SYT1: variants seen among roughly 807,000 people sequenced by gnomAD.
The protein encoded by SYT1 is synaptotagmin 1.
A neutral mutation model predicts 44.8 loss-of-function variants in SYT1; 8 were observed. The observed-to-expected ratio is 0.18, with a 90% confidence interval of 0.10 to 0.32. The LOEUF (loss-of-function observed/expected upper bound fraction) is 0.32, where lower values mean the gene tolerates loss of function less well. Among genes scored for constraint, SYT1 ranks in the 10% least tolerant of loss-of-function variants. The pLI, the probability that SYT1 is intolerant of heterozygous loss-of-function variation, is 1.00. For missense variants in SYT1, 286 were observed against 509.3 expected (o/e 0.56, Z 4.22); for synonymous variants, 154 against 188.8 (o/e 0.82, Z 1.51).
chr12:79,082,951 A>T (rs1877135225), intron 3 of SYT1, among the ~76,000 whole-genome samples: 1 of 152,142 alleles, frequency 6.6e-6, no homozygotes, highest in Non-Finnish European at 1.5e-5. Context: ...AAAAAACAAA[A>T]ATAAAATAAG....
chr12:78,866,628 G>C (rs1333480368), intron 1 of SYT1, among the ~76,000 whole-genome samples: 3 of 152,094 alleles, frequency 2.0e-5, no homozygotes, highest in African/African-American at 7.2e-5. Flanking sequence ...CGATAGTACT[G>C]TCAGATGGAA....
chr12:79,402,057 A>T (rs1362921368), intron 9 of SYT1, among the ~76,000 whole-genome samples: 3 of 152,158 alleles, frequency 2.0e-5, no homozygotes, highest in African/African-American at 7.2e-5. Flanking sequence ...GTAAGCCAGC[A>T]TTGTTGGCCT....
intron 2 of SYT1, among the ~76,000 whole-genome samples, chr12:79,030,977 C>G (rs867019676): frequency 6.6e-6 from 1 of 151,004 alleles, no homozygotes; most frequent in South Asian, 2.1e-4. Flanking sequence ...CCAATGCGTA[C>G]TCACTCCCAA....
At chr12:79,427,848 C>A (rs758883527) in intron 9 of SYT1, among the ~76,000 whole-genome samples, 12 of 152,190 alleles carry the variant, frequency 7.9e-5, no homozygotes, top group African/African-American at 2.4e-5. Context: ...GGAGCCAGAT[C>A]ATTCAGGCTC....
intron 3 of SYT1, among the ~76,000 whole-genome samples, chr12:79,132,310 A>G (rs1018079075): frequency 5.3e-5 from 8 of 151,942 alleles, no homozygotes; most frequent in Non-Finnish European, 2.9e-5. Flanking sequence ...TTAGCCTGGT[A>G]TGGTGGCACG....
At chr12:79,331,810 A>G (rs572223436) in intron 8 of SYT1, among the ~76,000 whole-genome samples, 3 of 151,048 alleles carry the variant, frequency 2.0e-5, no homozygotes, top group African/African-American at 7.4e-5. Context: ...ATATAATAAA[A>G]TTATAGGTAA....
intron 3 of SYT1, among the ~76,000 whole-genome samples, chr12:79,143,390 C>T (rs1358004409): frequency 1.3e-5 from 2 of 152,138 alleles, no homozygotes; most frequent in Non-Finnish European, 2.9e-5. Flanking sequence ...TGGTTTATAT[C>T]CTCAACCATT....
chr12:78,990,494 A>G (rs1466536215), intron 2 of SYT1, among the ~76,000 whole-genome samples: 2 of 152,138 alleles, frequency 1.3e-5, no homozygotes, highest in African/African-American at 4.8e-5. Context: ...TTGTTCTATT[A>G]TAGAAAAGAC....
At chr12:79,385,898 G>C (rs1884416876) in intron 9 of SYT1, among the ~76,000 whole-genome samples, 1 of 152,206 alleles carries the variant, frequency 6.6e-6, no homozygotes, top group South Asian at 2.1e-4. Context: ...GCTGGATAAA[G>C]TGGTCTATGA....
intron 2 of SYT1, among the ~76,000 whole-genome samples, chr12:79,036,965 G>T (rs1021397027): frequency 9.2e-5 from 14 of 151,748 alleles, no homozygotes; most frequent in African/African-American, 2.9e-4. Flanking sequence ...TTTGCCTAAG[G>T]TTATGGACTA....
In SYT1 at chr12:79,450,820, C is replaced by T. The variant is rs1166299787; in HGVS notation, c.*1696C>T. On this transcript the variant is annotated 3_prime_UTR_variant, in exon 11 of 11. Coordinates refer to ENST00000261205, the MANE Select transcript of SYT1 (RefSeq NM_005639.3). Reference sequence around the variant, plus strand: ...TTTTGTCAAGCACTGTGCAATATTCCATATTTTTCCCCACTATGGTAGACA... The same window carrying T: ...TTTTGTCAAGCACTGTGCAATATTCTATATTTTTCCCCACTATGGTAGACA... The T allele has an allele frequency of 6.6e-6, 1 of 152,626 alleles. No homozygotes were observed. The highest frequency in any genetic ancestry group is 1.5e-5 in the Non-Finnish European group (1 of 68,038). The allele number at this position is 152,626 out of a possible 1,614,324, so 9.5% of individuals were successfully genotyped here. A position where few individuals can be genotyped will look rare whatever the true frequency, so the allele number is the denominator to read the frequency against.
intron 8 of SYT1, among the ~76,000 whole-genome samples, chr12:79,348,599 T>C (rs1356634367): frequency 6.6e-6 from 1 of 152,224 alleles, no homozygotes; most frequent in Non-Finnish European, 1.5e-5. Flanking sequence ...TTTCAAACAT[T>C]CACTTGGCAT....
chr12:79,102,497 C>T (rs1003028061), intron 3 of SYT1, among the ~76,000 whole-genome samples: 19 of 152,202 alleles, frequency 1.2e-4, no homozygotes, highest in Admixed American at 1.1e-3. Flanking sequence ...AGCCTTCTCT[C>T]TGTGTTTCCT....
At chr12:78,976,193 G>A (rs1025702366) in intron 1 of SYT1, among the ~76,000 whole-genome samples, 12 of 152,022 alleles carry the variant, frequency 7.9e-5, no homozygotes, top group Non-Finnish European at 1.6e-4. Context: ...TTAGAGGCAT[G>A]AACCTATCTT....
chr12:79,107,443 C>T (rs1246515888), intron 3 of SYT1, among the ~76,000 whole-genome samples: 1 of 151,618 alleles, frequency 6.6e-6, no homozygotes, highest in Non-Finnish European at 1.5e-5. Context: ...AAAATATATA[C>T]CAACAAGGTA....
chr12:79,029,927 T>C (rs1872737285), intron 2 of SYT1, among the ~76,000 whole-genome samples: 1 of 151,092 alleles, frequency 6.6e-6, no homozygotes, highest in African/African-American at 2.4e-5. Context: ...TGCTTCACCA[T>C]TCACAGTTTT....
intron 1 of SYT1, among the ~76,000 whole-genome samples, chr12:78,908,965 A>G (rs764266733): frequency 2.0e-5 from 3 of 151,994 alleles, no homozygotes; most frequent in African/African-American, 7.2e-5. Flanking sequence ...AGGCATTTCA[A>G]TCAACCAAAA....
At chr12:78,934,376 A>C (rs892380069) in intron 1 of SYT1, among the ~76,000 whole-genome samples, 1 of 151,992 alleles carries the variant, frequency 6.6e-6, no homozygotes, top group Non-Finnish European at 1.5e-5. Context: ...ACAAACAAAC[A>C]AAACAAAACA....
chr12:79,209,333 T>C (rs1367329595), intron 3 of SYT1, among the ~76,000 whole-genome samples: 1 of 152,186 alleles, frequency 6.6e-6, no homozygotes. Flanking sequence ...GGTTCATTTT[T>C]TTTCCAAAAA....
Sources: allele counts gnomAD v4.1 joint callset (sites outside exome capture counted in the v4.1 genomes callset), GRCh38; gene constraint gnomAD v4.1.1; transcripts MANE v1.5; gene names NCBI Gene and HGNC (gene_info 2026-07-23, HGNC 2026-07-21).